AGR3: variants seen among roughly 807,000 people sequenced by gnomAD.
AGR3 encodes the protein anterior gradient protein 3.
AGR3 carries 37 observed loss-of-function variants against 24.5 expected under a neutral mutation model. The ratio of observed to expected loss-of-function variants is 1.51; its 90% CI spans 1.16 to 1.99. AGR3 has a LOEUF of 1.99. Ranked by LOEUF, AGR3 falls within the 30% of genes most tolerant of loss-of-function variation. The pLI, the probability that AGR3 is intolerant of heterozygous loss-of-function variation, is 0.00. For missense variants in AGR3, 228 were observed against 191.1 expected (o/e 1.19, Z -1.14); for synonymous variants, 75 against 61.6 (o/e 1.22, Z -1.02).
At chr7:16,880,242 C>A (rs1371432382) in intron 1 of AGR3, among the ~76,000 whole-genome samples, 2 of 150,044 alleles carry the variant, frequency 1.3e-5, no homozygotes, top group African/African-American at 4.9e-5. Flanking sequence ...CTCACTGCAA[C>A]CTCCGCCTCC....
At chr7:16,876,611 C>A (rs948928606) in intron 2 of AGR3, among the ~76,000 whole-genome samples, 2 of 152,134 alleles carry the variant, frequency 1.3e-5, no homozygotes, top group African/African-American at 4.8e-5. Context: ...TTCTGAGCCT[C>A]ATTCTCTCCA....
chr7:16,865,255 A>G (rs1781733166), intron 3 of AGR3: 7 of 862,080 alleles, frequency 8.1e-6, no homozygotes, highest in South Asian at 7.4e-5. Flanking sequence ...TTCCTTGGCC[A>G]TAAGTTGTTT....
chr7:16,859,610 G>T lies in AGR3; in HGVS notation c.473C>A (p.Ala158Glu). ...TAGCTCTGACTGAATAAGTCTTAATGCTTTCTTCATGTTTTCTATCACTGA... is the reference window on the plus strand; with the variant it reads ...TAGCTCTGACTGAATAAGTCTTAATTCTTTCTTCATGTTTTCTATCACTGA... ...LPLLIENMKK[A>E]LRLIQSEL is the part of the protein sequence containing the mutation. Residue 158 changes from alanine to glutamate, a missense_variant, in exon 8 of 8, where the codon GCA becomes GAA. Ala to Glu is a moderately radical substitution (Grantham distance 107, BLOSUM62 -1). Transcript: ENST00000310398. 6.5e-7 allele frequency: 1 copy of T among 1,548,378 alleles called. No homozygotes were observed. Among genetic ancestry groups the T allele is most frequent in the Non-Finnish European group, 8.8e-7 (1 of 1,135,548 alleles).
intron 3 of AGR3, chr7:16,864,592 CT>C: frequency 6.7e-7 from 1 of 1,487,826 alleles, no homozygotes; most frequent in Non-Finnish European, 9.4e-7. Flanking sequence ...AGCTTGATTT[CT>C]CATTGGAATG....
At chr7:16,857,638 A>G (rs1162073752), downstream of AGR3, among the ~76,000 whole-genome samples, 2 of 152,160 alleles carry the variant, frequency 1.3e-5, no homozygotes, top group Non-Finnish European at 2.9e-5. Context: ...TTTTATCTAA[A>G]AAATCAAAAT....
chr7:16,864,794 T>C, intron 3 of AGR3: 1 of 984,888 alleles, frequency 1.0e-6, no homozygotes, highest in Admixed American at 1.7e-5. Flanking sequence ...CCGGCTTTGT[T>C]GGAATGTATC....
rs775959961 is a variant in AGR3, at chr7:16,861,457, G to C, written c.304-10C>G. ...TATCAGTGGTTTCATGCTAGCAGGA[G>C]AAGAAAAAAAAAGAATGTTATTGGA... On this transcript the variant is annotated splice_polypyrimidine_tract_variant and intron_variant, in intron 5 of 7. Transcript: ENST00000310398. 6.3e-7 allele frequency: 1 copy of C among 1,596,358 alleles called. No individual in the cohort carries two copies. The highest frequency in any genetic ancestry group is 1.1e-5 in the South Asian group (1 of 88,018).
chr7:16,861,131 A>C (rs1781633392), intron 6 of AGR3, among the ~76,000 whole-genome samples: 1 of 152,226 alleles, frequency 6.6e-6, no homozygotes, highest in Non-Finnish European at 1.5e-5. Context: ...CTGTCAATCT[A>C]GTCTGGGGCA....
chr7:16,867,368 T>C (rs1398462364), intron 3 of AGR3, among the ~76,000 whole-genome samples: 2 of 152,156 alleles, frequency 1.3e-5, no homozygotes, highest in Non-Finnish European at 2.9e-5. Flanking sequence ...CAACTACCTA[T>C]CAATAATCTA....
At chr7:16,864,510 G>C in intron 3 of AGR3, 9 of 1,271,408 alleles carry the variant, frequency 7.1e-6, no homozygotes, top group Non-Finnish European at 1.0e-5. Flanking sequence ...TGTCAGTCAG[G>C]GCTTCCATTT....
chr7:16,856,607 T>A (rs1781557701), downstream of AGR3, among the ~76,000 whole-genome samples: 1 of 152,154 alleles, frequency 6.6e-6, no homozygotes, highest in South Asian at 2.1e-4. Flanking sequence ...ATGTACAACT[T>A]TTTTGACTGT....
At chr7:16,866,305 A>G (rs1261380860) in intron 3 of AGR3, 4 of 544,818 alleles carry the variant, frequency 7.3e-6, no homozygotes, top group African/African-American at 3.7e-5. Context: ...AAAGTTTTTG[A>G]CATTATAAAC....
intron 5 of AGR3, 98 bp from the exon 6 acceptor site, chr7:16,861,545 C>T (rs548499468): frequency 5.8e-6 from 6 of 1,040,046 alleles, no homozygotes; most frequent in Non-Finnish European, 8.7e-6. Context: ...CTATTTTGGC[C>T]TTTTATAATT....
chr7:16,860,463 C>T (rs1471635974), intron 7 of AGR3, 37 bp downstream of exon 7: 1 of 1,456,112 alleles, frequency 6.9e-7, no homozygotes, highest in African/African-American at 1.4e-5. Flanking sequence ...CAGGGGTCAG[C>T]TATGACCACT....
chr7:16,865,792 A>G, intron 3 of AGR3: 2 of 748,944 alleles, frequency 2.7e-6, no homozygotes, highest in Non-Finnish European at 5.0e-6. Flanking sequence ...CCTTGAAATC[A>G]TCTTTTTGGA....
intron 4 of AGR3, 84 bp from the exon 5 acceptor site, chr7:16,862,144 G>T: frequency 2.0e-6 from 2 of 1,009,672 alleles, no homozygotes; most frequent in South Asian, 2.8e-5. Flanking sequence ...CTAATATTTA[G>T]CATTTGTTTG....
chr7:16,872,477 A>G (rs367548160), intron 3 of AGR3, among the ~76,000 whole-genome samples: 18 of 152,178 alleles, frequency 1.2e-4, no homozygotes, highest in African/African-American at 4.3e-4. Flanking sequence ...TAAAGACTTG[A>G]ATGTAAGACC....
downstream of AGR3, among the ~76,000 whole-genome samples, chr7:16,856,796 T>C (rs10266639): frequency 0.11 from 16,197 of 151,322 alleles, 2,887 homozygotes; most frequent in African/African-American, 0.37. Context: ...AGTAAAATTA[T>C]ACACATACAC....
chr7:16,880,231 A>G (rs540454267), intron 1 of AGR3, among the ~76,000 whole-genome samples: 21 of 124,292 alleles, frequency 1.7e-4, no homozygotes, highest in Non-Finnish European at 3.3e-4. Flanking sequence ...GGCCATCTCC[A>G]CTCACTGCAA....
Sources: allele counts gnomAD v4.1 joint callset (sites outside exome capture counted in the v4.1 genomes callset), GRCh38; gene constraint gnomAD v4.1.1; transcripts MANE v1.5; gene names NCBI Gene and HGNC (gene_info 2026-07-23, HGNC 2026-07-21).